Variants in UNC5C observed in about 807,000 individuals in gnomAD.
UNC5C encodes netrin receptor UNC5C.
UNC5C carries 47 observed loss-of-function variants against 99.8 expected under a neutral mutation model. That is an observed-to-expected ratio of 0.47 (90% confidence interval 0.37 to 0.60). UNC5C has a LOEUF of 0.60. UNC5C is among the 20% of genes least tolerant of loss of function. The pLI is 0.00. For missense variants in UNC5C, 1,062 were observed against 1,165.9 expected, an observed-to-expected ratio of 0.91 and a Z score of 1.30; for synonymous variants, 487 against 452.2, an observed-to-expected ratio of 1.08 and a Z score of -0.98.
intron 1 of UNC5C, among the ~76,000 whole-genome samples, chr4:95,539,143 A>G (rs1578216471): frequency 6.6e-6 from 1 of 152,210 alleles, no homozygotes; most frequent in Non-Finnish European, 1.5e-5. Context: ...TCTCTTCCAG[A>G]GAGCACCCAG....
chr4:95,520,234 G>A (rs900998952), intron 1 of UNC5C, among the ~76,000 whole-genome samples: 3 of 152,142 alleles, frequency 2.0e-5, no homozygotes, highest in African/African-American at 7.2e-5. Flanking sequence ...TAAGTATATT[G>A]ATATTTTGTC....
At chr4:95,511,362 C>T (rs770078756) in intron 1 of UNC5C, among the ~76,000 whole-genome samples, 27 of 151,976 alleles carry the variant, frequency 1.8e-4, no homozygotes, top group Admixed American at 3.3e-4. Context: ...TGTTTTCTGA[C>T]GTCAACATTT....
chr4:95,430,704 G>T (rs911124953), intron 1 of UNC5C, among the ~76,000 whole-genome samples: 1 of 152,052 alleles, frequency 6.6e-6, no homozygotes, highest in Non-Finnish European at 1.5e-5. Context: ...GTTACTTCAT[G>T]ACCTGTTTTT....
chr4:95,507,297 A>T (rs963982540), intron 1 of UNC5C, among the ~76,000 whole-genome samples: 1 of 152,034 alleles, frequency 6.6e-6, no homozygotes, highest in Non-Finnish European at 1.5e-5. Flanking sequence ...ATGAGGCACC[A>T]TTAGATAATT....
intron 1 of UNC5C, among the ~76,000 whole-genome samples, chr4:95,419,625 T>C (rs550948717): frequency 1.3e-5 from 2 of 152,262 alleles, no homozygotes; most frequent in Non-Finnish European, 2.9e-5. Flanking sequence ...AACATATATT[T>C]ATTGAGTGCT....
At chr4:95,494,383 GTT>G (rs1721577434) in intron 1 of UNC5C, among the ~76,000 whole-genome samples, 1 of 151,432 alleles carries the variant, frequency 6.6e-6, no homozygotes, top group South Asian at 2.1e-4. Flanking sequence ...CTTTAAAAAA[GTT>G]AGTGCTGATG....
intron 1 of UNC5C, among the ~76,000 whole-genome samples, chr4:95,411,311 A>G (rs1745984776): frequency 6.6e-6 from 1 of 152,140 alleles, no homozygotes; most frequent in Non-Finnish European, 1.5e-5. Flanking sequence ...AGATGTCCAC[A>G]AAGGATCCTC....
intron 1 of UNC5C, among the ~76,000 whole-genome samples, chr4:95,364,259 CATT>C (rs2149436134): frequency 6.6e-6 from 1 of 152,286 alleles, no homozygotes; most frequent in East Asian, 1.9e-4. Context: ...CAAGCTACAT[CATT>C]GTGTCTGGAG....
intron 14 of UNC5C, among the ~76,000 whole-genome samples, chr4:95,181,829 T>G (rs992055826): frequency 2.0e-5 from 3 of 152,202 alleles, no homozygotes; most frequent in African/African-American, 7.2e-5. Flanking sequence ...CTCGGTTTGC[T>G]AAGGAAGATG....
intron 1 of UNC5C, among the ~76,000 whole-genome samples, chr4:95,357,779 G>C (rs1416049511): frequency 1.3e-5 from 2 of 151,906 alleles, no homozygotes; most frequent in Non-Finnish European, 2.9e-5. Context: ...TGACAGAGCA[G>C]GGCCCTGTCT....
intron 1 of UNC5C, among the ~76,000 whole-genome samples, chr4:95,543,386 G>T (rs775494822): frequency 6.6e-6 from 1 of 152,126 alleles, no homozygotes; most frequent in African/African-American, 2.4e-5. Flanking sequence ...TAAACAATAA[G>T]AGTTAGATGC....
intron 1 of UNC5C, among the ~76,000 whole-genome samples, chr4:95,361,838 A>T (rs549582696): frequency 9.2e-5 from 14 of 152,264 alleles, no homozygotes; most frequent in Admixed American, 2.6e-4. Context: ...ATACTGAACC[A>T]AAGGCTCAAA....
At chr4:95,271,288 C>T (rs1740653533) in intron 4 of UNC5C, among the ~76,000 whole-genome samples, 1 of 151,304 alleles carries the variant, frequency 6.6e-6, no homozygotes, top group South Asian at 2.1e-4. Context: ...AGTGCAGTGG[C>T]GCGATCTCGG....
intron 1 of UNC5C, among the ~76,000 whole-genome samples, chr4:95,380,362 A>G (rs1239376115): frequency 6.6e-6 from 1 of 152,178 alleles, no homozygotes; most frequent in Non-Finnish European, 1.5e-5. Flanking sequence ...TAGAAATCAT[A>G]CATTATAAAG....
intron 1 of UNC5C, among the ~76,000 whole-genome samples, chr4:95,536,156 C>A (rs1238836113): frequency 6.6e-6 from 1 of 150,984 alleles, no homozygotes; most frequent in African/African-American, 2.4e-5. Context: ...CTGCTTACTG[C>A]AACCTCTGCC....
chr4:95,230,709 T>G (rs2149373123), intron 7 of UNC5C, among the ~76,000 whole-genome samples: 1 of 151,926 alleles, frequency 6.6e-6, no homozygotes, highest in East Asian at 1.9e-4. Flanking sequence ...CTTTGCCTAT[T>G]TTAAAGCAAT....
chr4:95,442,369 A>ATT (rs5860407), intron 1 of UNC5C, among the ~76,000 whole-genome samples: 2,836 of 126,294 alleles, frequency 0.022, 128 homozygotes, highest in African/African-American at 0.078. Context: ...TGCCCAGCTA[A>ATT]TTTTTTTTTT....
intron 1 of UNC5C, among the ~76,000 whole-genome samples, chr4:95,432,529 G>C (rs1196521545): frequency 6.6e-6 from 1 of 152,032 alleles, no homozygotes; most frequent in East Asian, 1.9e-4. Context: ...TGAAGGCAAT[G>C]AGCAAGTGAC....
intron 1 of UNC5C, among the ~76,000 whole-genome samples, chr4:95,407,539 A>G (rs1745864231): frequency 1.3e-5 from 2 of 152,196 alleles, no homozygotes; most frequent in Admixed American, 1.3e-4. Flanking sequence ...AGAGAAACAG[A>G]CAAATTACAT....
Sources: allele counts gnomAD v4.1 joint callset (sites outside exome capture counted in the v4.1 genomes callset), GRCh38; gene constraint gnomAD v4.1.1; transcripts MANE v1.5; gene names NCBI Gene and HGNC (gene_info 2026-07-23, HGNC 2026-07-21).